Variants in IGSF10 observed in about 807,000 individuals in gnomAD.
IGSF10 encodes calvaria mechanical force protein 608.
Under a neutral mutation model 128.2 loss-of-function variants are expected in IGSF10, and 126 were observed. That is an observed-to-expected ratio of 0.98 (90% confidence interval 0.85 to 1.14). The LOEUF (loss-of-function observed/expected upper bound fraction) is 1.14, where lower values mean the gene tolerates loss of function less well. IGSF10 is among the 50% of genes most tolerant of loss of function. The pLI is 0.00. For missense variants in IGSF10, 3,295 were observed against 3,149.8 expected (o/e 1.05, Z -1.10); for synonymous variants, 1,185 against 1,146.2 (o/e 1.03, Z -0.68).
At chr3:151,441,081 G>A (rs1218785159) in intron 7 of IGSF10, among the ~76,000 whole-genome samples, 1 of 152,004 alleles carries the variant, frequency 6.6e-6, no homozygotes, top group Non-Finnish European at 1.5e-5. Flanking sequence ...AACAAAATCA[G>A]AGCTCCTGAT....
At position 151,461,047 on chromosome 3, in the gene IGSF10, T is replaced by C. The variant is rs1722032971; in HGVS notation, c.-190A>G. On this transcript the variant is annotated 5_prime_UTR_variant, in exon 1 of 8. Transcript: ENST00000282466. Reference sequence around the variant, plus strand: ...GTCGTGCGGAGCTGGTCCGGAGCTCTGGGAGGGAAGGAAGGAAGGCGGAGC... The same window carrying C: ...GTCGTGCGGAGCTGGTCCGGAGCTCCGGGAGGGAAGGAAGGAAGGCGGAGC... 1.0e-6 allele frequency: 1 copy of C among 985,110 alleles called. No individual in the cohort carries two copies. Among genetic ancestry groups the C allele is most frequent in the South Asian group, 4.7e-5 (1 of 21,268 alleles). The allele number at this position is 985,110 out of a possible 1,614,324, so 61.0% of individuals were successfully genotyped here. A position where few individuals can be genotyped will look rare whatever the true frequency, so the allele number is the denominator to read the frequency against.
chr3:151,473,998 T>C, the IGSF10 span, among the ~76,000 whole-genome samples: 1 of 152,060 alleles, frequency 6.6e-6, no homozygotes, highest in Non-Finnish European at 1.5e-5. Context: ...CTCTTGGTGG[T>C]AGTGGGGTAT....
At chr3:151,449,593 A>G (rs1721414275) in intron 5 of IGSF10, among the ~76,000 whole-genome samples, 1 of 152,218 alleles carries the variant, frequency 6.6e-6, no homozygotes, top group Non-Finnish European at 1.5e-5. Context: ...AAACAAAATG[A>G]TATGCTCATG....
chr3:151,474,263 G>T, the IGSF10 span, among the ~76,000 whole-genome samples: 2 of 152,100 alleles, frequency 1.3e-5, no homozygotes, highest in African/African-American at 4.8e-5. Flanking sequence ...ACTACAGAAA[G>T]CTTAATTTAA....
rs1222249123 is a variant in IGSF10 at position 151,448,655 on chromosome 3, G to C, written c.1326C>G (p.Ala442=). Residue 442 remains alanine, a synonymous_variant, in exon 6 of 8, where the codon GCC becomes GCG. Transcript: ENST00000282466. ...DQISLQLNRT[A]TTFSTLQIQY... is the part of the protein sequence containing the mutation. ...GGATCTGTAATGTACTGAATGTGGT[G>C]GCAGTTCTGTTCAGCTGCAAGGAAA... is the stretch of plus-strand genomic sequence containing the variant. 1 of 1,614,078 alleles carries C rather than the reference G, an allele frequency of 6.2e-7. No individual in the cohort carries two copies. The highest frequency in any genetic ancestry group is 8.5e-7 in the Non-Finnish European group (1 of 1,180,028).
chr3:151,590,778 G>C, the IGSF10 span, among the ~76,000 whole-genome samples: 1 of 152,184 alleles, frequency 6.6e-6, no homozygotes, highest in East Asian at 1.9e-4. Flanking sequence ...ATATGTGTGA[G>C]ATAGAAAGCA....
chr3:151,504,648 AAGCT>A, the IGSF10 span, among the ~76,000 whole-genome samples: 125,041 of 151,944 alleles, frequency 0.82, 51,559 homozygotes, highest in Middle Eastern at 0.93. Context: ...GGTTAGCCTA[AAGCT>A]AGCTGACTAT....
chr3:151,557,365 A>G, the IGSF10 span, among the ~76,000 whole-genome samples: 1 of 151,952 alleles, frequency 6.6e-6, no homozygotes, highest in Non-Finnish European at 1.5e-5. Context: ...TGTGGTGCCA[A>G]CTCCAGTCTT....
chr3:151,566,245 A>G, the IGSF10 span, among the ~76,000 whole-genome samples: 1 of 152,052 alleles, frequency 6.6e-6, no homozygotes, highest in Admixed American at 6.6e-5. Context: ...GGGAAGTGAA[A>G]CCCTACCCCA....
In IGSF10 at chr3:151,447,192, T is replaced by C. The variant is rs1258717466; in HGVS notation, c.2789A>G (p.Asp930Gly). Reference protein sequence around the residue: ...PPITVRTMIKDVNVKMLSSTT... With the variant: ...PPITVRTMIKGVNVKMLSSTT... ...GCTACTAAGCATTTTGACATTGACA[T>C]CTTTGATCATAGTCCTTACTGTTAT... Residue 930 changes from aspartate (D) to glycine (G), a missense_variant, in exon 6 of 8, where the codon GAT (aspartate) becomes GGT (glycine). By Grantham distance (94) the Asp-to-Gly change is moderately conservative. Transcript: ENST00000282466. 1.2e-6 allele frequency: 2 copies of C among 1,614,202 alleles called. No homozygotes were observed. Among genetic ancestry groups the C allele is most frequent in the South Asian group, 2.2e-5 (2 of 91,072 alleles).
intron 5 of IGSF10, among the ~76,000 whole-genome samples, chr3:151,452,364 C>T (rs1398539177): frequency 6.6e-6 from 1 of 152,118 alleles, no homozygotes. Flanking sequence ...AGGCTACAGA[C>T]CCATACAGTG....
At chr3:151,493,354 T>A in the IGSF10 span, among the ~76,000 whole-genome samples, 1 of 152,202 alleles carries the variant, frequency 6.6e-6, no homozygotes, top group African/African-American at 2.4e-5. Context: ...CATTTTACTA[T>A]CTATAGTCAT....
chr3:151,519,122 CAAT>C, the IGSF10 span, among the ~76,000 whole-genome samples: 41 of 151,946 alleles, frequency 2.7e-4, no homozygotes, highest in African/African-American at 9.9e-4. Context: ...GCTATTGCTA[CAAT>C]AATATTGTAA....
Position 151,448,578 on chromosome 3 carries a change from A to G in IGSF10, c.1403T>C (p.Val468Ala), listed in dbSNP as rs765776271. The change falls in exon 6 of 8, where the codon GTG becomes GCG. Residue 468 changes from valine (V) to alanine (A), a missense_variant. Coordinates refer to ENST00000282466, the MANE Select transcript of IGSF10 (RefSeq NM_178822.5). ...ITLPRAEMRP[V>A]KHKWTMISRD... ...TGAAATCATAGTCCATTTGTGTTTCACTGGCCTCATCTCTGCTCTTGGTAA... is the reference window on the plus strand; with the variant it reads ...TGAAATCATAGTCCATTTGTGTTTCGCTGGCCTCATCTCTGCTCTTGGTAA... The G allele has an allele frequency of 5.6e-6, 9 of 1,614,160 alleles. No individual in the cohort carries two copies. The highest frequency in any genetic ancestry group is 1.7e-5 in the Admixed American group (1 of 60,030).
In IGSF10 at chr3:151,448,033, G is replaced by T; in HGVS notation, c.1948C>A (p.Pro650Thr). Reference sequence around the variant, plus strand: ...AAAATCAAAAAATCAACCCCTGATGGGTTGGCTGCCACACAGCGATAATAA... The same window carrying T: ...AAAATCAAAAAATCAACCCCTGATGTGTTGGCTGCCACACAGCGATAATAA... ...QGYYRCVAAN[P>T]SGVDFLIFQV... Residue 650 changes from proline to threonine, a missense_variant, in exon 6 of 8, where the codon CCA becomes ACA. Transcript: ENST00000282466. 4 of 1,614,118 alleles carry T rather than the reference G, an allele frequency of 2.5e-6. No homozygotes were observed. The highest frequency in any genetic ancestry group is 3.4e-6 in the Non-Finnish European group (4 of 1,180,032).
Position 151,436,913 on chromosome 3 carries a change from A to G in IGSF10, c.7648T>C (p.Cys2550Arg). The change falls in exon 8 of 8, where the codon TGT (cysteine) becomes CGT (arginine). Residue 2550 changes from cysteine (C) to arginine (R), a missense_variant. Transcript: ENST00000282466. ...GGCTTGGGAACTCCCAAGGCCACAC[A>G]GTGGAGCTGAAAGGCTGCCCCTGTC... ...TRTGAAFQLH[C>R]VALGVPKPEI... The G allele has an allele frequency of 7.4e-6, 12 of 1,614,214 alleles. No homozygotes were observed. The highest frequency in any genetic ancestry group is 9.3e-6 in the Non-Finnish European group (11 of 1,180,026).
the IGSF10 span, among the ~76,000 whole-genome samples, chr3:151,527,198 C>G: frequency 6.6e-6 from 1 of 152,194 alleles, no homozygotes; most frequent in Non-Finnish European, 1.5e-5. Flanking sequence ...CTCAGCCCAG[C>G]CTGGCTCTGG....
chr3:151,432,950 A>C, downstream of IGSF10: 1 of 631,270 alleles, frequency 1.6e-6, no homozygotes, highest in East Asian at 3.0e-5. Context: ...ACAAAAAAAA[A>C]AAAAGGTGTT....
At chr3:151,481,770 C>T in the IGSF10 span, among the ~76,000 whole-genome samples, 2 of 152,116 alleles carry the variant, frequency 1.3e-5, no homozygotes, top group African/African-American at 4.8e-5. Context: ...GACTCAGCAC[C>T]AACAGAGATC....
Sources: allele counts gnomAD v4.1 joint callset (sites outside exome capture counted in the v4.1 genomes callset), GRCh38; gene constraint gnomAD v4.1.1; transcripts MANE v1.5; gene names NCBI Gene and HGNC (gene_info 2026-07-23, HGNC 2026-07-21).